The following IQSEC1 variants were observed in gnomAD, a reference collection of about 807,000 sequenced individuals.
The protein encoded by IQSEC1 is IQ motif and Sec7 domain ArfGEF 1.
Under a neutral mutation model 91.0 loss-of-function variants are expected in IQSEC1, and 31 were observed. The ratio of observed to expected loss-of-function variants is 0.34; its 90% CI spans 0.26 to 0.46. IQSEC1 has a LOEUF of 0.46. Ranked by LOEUF, IQSEC1 falls within the 20% of genes least tolerant of loss-of-function variation. The probability of loss-of-function intolerance (pLI) is 1.00; values close to 1 mark genes in which losing one functional copy is unlikely to be tolerated. For synonymous variants in IQSEC1, 699 were observed against 662.6 expected, an observed-to-expected ratio of 1.05 and a Z score of -0.84; for missense variants, 1,388 against 1,575.6, an observed-to-expected ratio of 0.88 and a Z score of 2.02.
intron 2 of IQSEC1, among the ~76,000 whole-genome samples, chr3:13,149,147 C>T (rs1305949530): frequency 6.6e-6 from 1 of 152,220 alleles, no homozygotes; most frequent in Non-Finnish European, 1.5e-5. Flanking sequence ...ACAGCTGCAG[C>T]CTCTCACAGT....
At chr3:13,046,264 G>C (rs1704489155) in intron 1 of IQSEC1, among the ~76,000 whole-genome samples, 1 of 152,254 alleles carries the variant, frequency 6.6e-6, no homozygotes, top group African/African-American at 2.4e-5. Context: ...TGATATGTGG[G>C]TGTGACTGTG....
At chr3:13,013,122 G>A (rs1403699804) in intron 1 of IQSEC1, among the ~76,000 whole-genome samples, 1 of 152,026 alleles carries the variant, frequency 6.6e-6, no homozygotes, top group Non-Finnish European at 1.5e-5. Context: ...CACCACGCCC[G>A]GCTAATTTTT....
chr3:13,236,942 G>A (rs1363529735), intron 1 of IQSEC1, among the ~76,000 whole-genome samples: 1 of 152,196 alleles, frequency 6.6e-6, no homozygotes, highest in Admixed American at 6.5e-5. Context: ...GCTTGTCTGA[G>A]GCCGAGGGCC....
At chr3:13,135,605 A>G (rs2124926596) in intron 2 of IQSEC1, among the ~76,000 whole-genome samples, 1 of 152,314 alleles carries the variant, frequency 6.6e-6, no homozygotes, top group African/African-American at 2.4e-5. Context: ...GGGAGTCGGG[A>G]CGCAGCCCCA....
At chr3:13,176,798 C>T (rs995642707) in intron 1 of IQSEC1, among the ~76,000 whole-genome samples, 18 of 152,228 alleles carry the variant, frequency 1.2e-4, no homozygotes, top group African/African-American at 4.3e-4. Flanking sequence ...TGCCACAAAA[C>T]TAAGAAAATA....
intron 1 of IQSEC1, among the ~76,000 whole-genome samples, chr3:13,263,747 A>C (rs1576315183): frequency 6.6e-6 from 1 of 150,550 alleles, no homozygotes; most frequent in Admixed American, 6.6e-5. Context: ...GCCCAGCCCC[A>C]CTTTTTTTTT....
Position 13,269,110 on chromosome 3 carries a change from G to A in IQSEC1, c.272+13601C>T, listed in dbSNP as rs1000939107. ...TGAAGTGTGAAAATGGCAGGCATCC[G>A]GAGTGAGCTGCAGTGCAGGGGGTTG... On this transcript the variant is annotated intron_variant, in intron 1 of 15. Transcript: ENST00000648114. Among the ~76,000 whole-genome samples the A allele has an allele frequency of 3.3e-5, 5 of 152,302 alleles. No individual in the cohort carries two copies. In the South Asian group the frequency reaches 6.2e-4, roughly 19 times the overall value.
intron 9 of IQSEC1, among the ~76,000 whole-genome samples, chr3:12,912,002 G>T (rs1575873941): frequency 6.6e-6 from 1 of 152,256 alleles, no homozygotes; most frequent in Non-Finnish European, 1.5e-5. Context: ...CCTTCTCACA[G>T]CCAGGTGAGG....
chr3:13,230,248 A>G (rs997301530), intron 1 of IQSEC1, among the ~76,000 whole-genome samples: 1 of 152,186 alleles, frequency 6.6e-6, no homozygotes, highest in Non-Finnish European at 1.5e-5. Flanking sequence ...AAGATTAAGA[A>G]ACATAAATAA....
intron 2 of IQSEC1, among the ~76,000 whole-genome samples, chr3:13,099,098 G>A (rs1231686249): frequency 6.6e-6 from 1 of 152,196 alleles, no homozygotes; most frequent in Non-Finnish European, 1.5e-5. Context: ...AGAGACCTGG[G>A]CTGAGCTACA....
chr3:13,135,978 T>C (rs544734734), intron 2 of IQSEC1, among the ~76,000 whole-genome samples: 47 of 152,328 alleles, frequency 3.1e-4, no homozygotes, highest in African/African-American at 1.1e-3. Flanking sequence ...TGCGGGACTC[T>C]GCTGCGTGGG....
intron 1 of IQSEC1, among the ~76,000 whole-genome samples, chr3:13,026,873 TTTTTTGTTTG>T (rs1406104027): frequency 1.5e-4 from 8 of 53,260 alleles, no homozygotes; most frequent in South Asian, 1.5e-3. Context: ...AGTTTTTTTT[TTTTTTGTTTG>T]TTTTTTTTTT....
chr3:13,283,199 C>T (rs1476320502), exon 1 of IQSEC1, among the ~76,000 whole-genome samples: 2 of 147,086 alleles, frequency 1.4e-5, no homozygotes, highest in Non-Finnish European at 1.5e-5. Flanking sequence ...CGCGGACGCG[C>T]CGGGGCGGCA....
At chr3:13,109,101 G>A (rs902174112) in intron 2 of IQSEC1, among the ~76,000 whole-genome samples, 1 of 152,160 alleles carries the variant, frequency 6.6e-6, no homozygotes, top group Non-Finnish European at 1.5e-5. Context: ...CCAGAGCGTG[G>A]GCAGAATGAC....
intron 1 of IQSEC1, among the ~76,000 whole-genome samples, chr3:13,039,626 AC>A (rs1368460449): frequency 6.6e-6 from 1 of 152,168 alleles, no homozygotes; most frequent in Non-Finnish European, 1.5e-5. Context: ...AAATCCCCAC[AC>A]AAGGGCCATG....
chr3:13,196,492 C>T (rs1263473840), intron 1 of IQSEC1, among the ~76,000 whole-genome samples: 2 of 152,224 alleles, frequency 1.3e-5, no homozygotes, highest in African/African-American at 2.4e-5. Flanking sequence ...CCTTCCTGAG[C>T]GCCTCTGAGA....
chr3:12,955,455 T>C (rs1017770803), intron 1 of IQSEC1, among the ~76,000 whole-genome samples: 1 of 152,222 alleles, frequency 6.6e-6, no homozygotes, highest in Non-Finnish European at 1.5e-5. Context: ...TGTGAGGCTC[T>C]GGATAGGGGG....
chr3:13,250,442 A>C, intron 1 of IQSEC1, among the ~76,000 whole-genome samples: 1 of 138,094 alleles, frequency 7.2e-6, no homozygotes, highest in African/African-American at 2.8e-5. Flanking sequence ...TTTTTGAGAC[A>C]GAGTCTTGCT....
Position 12,967,628 on chromosome 3 carries a change from G to C in IQSEC1, c.24-25763C>G, listed in dbSNP as rs1700671549. 8.1e-7 allele frequency: 1 copy of C among 1,232,278 alleles called. No homozygotes were observed. The highest frequency in any genetic ancestry group is 1.0e-6 in the Non-Finnish European group (1 of 988,236). The allele number at this position is 1,232,278 out of a possible 1,614,324, so 76.3% of individuals were successfully genotyped here. ...GGTCCAGCGTCCGCCGGCTCCCGCG[G>C]CTCCGGCCCCAAGTCCGAGCCCCAG... On this transcript the variant is annotated intron_variant, in intron 1 of 13. Coordinates refer to ENST00000613206, the MANE Select transcript of IQSEC1 (RefSeq NM_001134382.3). This position sits in a 1 kb window ranked among gnomAD's most constrained non-coding sequence, Gnocchi z 5.9.
Sources: gnomAD v4.1 joint callset for allele counts (sites outside exome capture counted in the v4.1 genomes callset) on GRCh38, gnomAD v4.1.1 for gene constraint, Gnocchi (gnomAD v3.1) non-coding constraint, MANE v1.5 for transcripts, NCBI Gene and HGNC (gene_info 2026-07-23, HGNC 2026-07-21) for gene names.